The following SESTD1 variants were observed in gnomAD, a reference collection of about 807,000 sequenced individuals.
The protein encoded by SESTD1 is SEC14 and spectrin domain containing 1.
In SESTD1, 43 loss-of-function variants were observed where a neutral mutation model predicts 101.7. That is an observed-to-expected ratio of 0.42 (90% confidence interval 0.33 to 0.55). The LOEUF (loss-of-function observed/expected upper bound fraction) is 0.55, where lower values mean the gene tolerates loss of function less well. Ranked by LOEUF, SESTD1 falls within the 20% of genes least tolerant of loss-of-function variation. SESTD1 has a pLI of 0.07. For synonymous variants in SESTD1, 283 were observed against 286.8 expected, an observed-to-expected ratio of 0.99 and a Z score of 0.13; for missense variants, 647 against 815.1, an observed-to-expected ratio of 0.79 and a Z score of 2.51.
intron 12 of SESTD1, 68 bp from the exon 13 acceptor site, chr2:179,121,997 G>A (rs1405235288): frequency 1.8e-5 from 26 of 1,468,280 alleles, no homozygotes; most frequent in African/African-American, 4.3e-5. Flanking sequence ...CAAACAAATC[G>A]TCTCATCAGA....
At chr2:179,132,995 TAAA>T (rs2045045665) in intron 9 of SESTD1, among the ~76,000 whole-genome samples, 1 of 152,130 alleles carries the variant, frequency 6.6e-6, no homozygotes, top group African/African-American at 2.4e-5. Context: ...AAAATAAAAT[TAAA>T]AACTAATTAG....
chr2:179,243,837 TACCCTAACTTCAGCATCATGCACTAC>T lies in SESTD1; in HGVS notation c.-26+20636_-26+20661del, dbSNP rs1672053565. Among the ~76,000 whole-genome samples the T allele has an allele frequency of 4.0e-5, 6 of 151,868 alleles. No individual in the cohort carries two copies. In the South Asian group the frequency reaches 1.2e-3, roughly 32 times the overall value. ...ACTACCTGGGTGACAGGACCATTCA[TACCCTAACTTCAGCATCATGCACTAC>T]ACCCATGTAACAAACTACATATGTA... is the stretch of plus-strand genomic sequence containing the variant. On this transcript the variant is annotated intron_variant, in intron 1 of 17. Transcript: ENST00000428443.
At chr2:179,112,072 A>C (rs1341252882) in intron 17 of SESTD1, among the ~76,000 whole-genome samples, 2 of 152,100 alleles carry the variant, frequency 1.3e-5, no homozygotes, top group African/African-American at 4.8e-5. Flanking sequence ...AGATTATTTC[A>C]TATTTTTATC....
At chr2:179,225,443 A>C (rs1178741239) in intron 1 of SESTD1, among the ~76,000 whole-genome samples, 2 of 152,184 alleles carry the variant, frequency 1.3e-5, no homozygotes, top group African/African-American at 2.4e-5. Flanking sequence ...CATTAAGGTT[A>C]TATTTTTTAA....
intron 10 of SESTD1, among the ~76,000 whole-genome samples, chr2:179,127,711 A>G (rs1328946119): frequency 6.6e-6 from 1 of 152,196 alleles, no homozygotes; most frequent in African/African-American, 2.4e-5. Context: ...GAGGATGAGA[A>G]ATCCTCCTAT....
At chr2:179,132,844 T>G (rs2045042293) in intron 9 of SESTD1, among the ~76,000 whole-genome samples, 1 of 152,212 alleles carries the variant, frequency 6.6e-6, no homozygotes, top group Non-Finnish European at 1.5e-5. Flanking sequence ...TTAAGTGACT[T>G]GCCCAAGATA....
At chr2:179,195,972 A>G (rs1370635515) in intron 1 of SESTD1, among the ~76,000 whole-genome samples, 1 of 152,136 alleles carries the variant, frequency 6.6e-6, no homozygotes, top group Non-Finnish European at 1.5e-5. Flanking sequence ...CCGAATAGGA[A>G]CAGCTCCGGT....
intron 1 of SESTD1, among the ~76,000 whole-genome samples, chr2:179,251,245 C>T (rs1223335349): frequency 2.0e-5 from 3 of 152,064 alleles, no homozygotes; most frequent in Admixed American, 6.6e-5. Flanking sequence ...ATAATGGCTG[C>T]CAGGTATTAA....
Position 179,107,250 on chromosome 2 carries a change from A to G in SESTD1, c.*2649T>C, listed in dbSNP as rs897429866. 1 of 152,218 alleles carries G rather than the reference A, an allele frequency of 6.6e-6. No individual in the cohort carries two copies. The highest frequency in any genetic ancestry group is 2.4e-5 in the African/African-American group (1 of 41,466). The allele number at this position is 152,218 out of a possible 1,614,324, so 9.4% of individuals were successfully genotyped here. On this transcript the variant is annotated 3_prime_UTR_variant, in exon 18 of 18. Transcript: ENST00000428443. Reference sequence around the variant, plus strand: ...TGGATTTTCATTCATAACTCTATGTACAGATACACATATGAAAGCAGCAGC... The same window carrying G: ...TGGATTTTCATTCATAACTCTATGTGCAGATACACATATGAAAGCAGCAGC...
At chr2:179,245,351 A>G (rs906769502) in intron 1 of SESTD1, among the ~76,000 whole-genome samples, 5 of 151,936 alleles carry the variant, frequency 3.3e-5, no homozygotes, top group Non-Finnish European at 5.9e-5. Context: ...CCCTGTCTCT[A>G]TTGAAAATAC....
At chr2:179,200,790 T>TA (rs1167851646) in intron 1 of SESTD1, among the ~76,000 whole-genome samples, 4 of 135,052 alleles carry the variant, frequency 3.0e-5, no homozygotes. Flanking sequence ...ATTAAAGACT[T>TA]AAACATTAGA....
chr2:179,239,476 T>C (rs2047117880), intron 1 of SESTD1, among the ~76,000 whole-genome samples: 1 of 152,132 alleles, frequency 6.6e-6, no homozygotes, highest in South Asian at 2.1e-4. Context: ...GGGAAAGAAC[T>C]TTAAAAGTGA....
intron 1 of SESTD1, among the ~76,000 whole-genome samples, chr2:179,231,374 G>A (rs924343085): frequency 6.6e-6 from 1 of 151,894 alleles, no homozygotes; most frequent in African/African-American, 2.4e-5. Context: ...AATAGCAATA[G>A]ATAAGAATTA....
In SESTD1 at chr2:179,191,852, T is replaced by C. The variant is rs1574022357; in HGVS notation, c.-11A>G. 5 of 1,607,360 alleles carry C rather than the reference T, an allele frequency of 3.1e-6. No homozygotes were observed. The highest frequency in any genetic ancestry group is 4.3e-6 in the Non-Finnish European group (5 of 1,176,148). ...TACTGAGGCCTCCATTTTACTCCAG[T>C]GAACTTCCTTAATTCTGAAAACACA... is the stretch of plus-strand genomic sequence containing the variant. On this transcript the variant is annotated 5_prime_UTR_variant, in exon 2 of 18. Coordinates refer to ENST00000428443, the MANE Select transcript of SESTD1 (RefSeq NM_178123.5).
chr2:179,128,636 G>A (rs1304043905), intron 10 of SESTD1, among the ~76,000 whole-genome samples: 1 of 151,834 alleles, frequency 6.6e-6, no homozygotes, highest in Non-Finnish European at 1.5e-5. Context: ...GGCTGAGGCA[G>A]GAGAATCGCT....
intron 3 of SESTD1, among the ~76,000 whole-genome samples, chr2:179,179,306 A>G (rs188063296): frequency 1.3e-4 from 20 of 151,664 alleles, no homozygotes; most frequent in Non-Finnish European, 2.2e-4. Flanking sequence ...ACAGTAATAG[A>G]AAAAAAAATC....
At chr2:179,250,335 A>C (rs1214073922) in intron 1 of SESTD1, among the ~76,000 whole-genome samples, 2 of 152,220 alleles carry the variant, frequency 1.3e-5, no homozygotes, top group African/African-American at 4.8e-5. Context: ...CATCACTACA[A>C]ACTTATCACA....
At chr2:179,162,716 G>A (rs1286693778) in intron 5 of SESTD1, among the ~76,000 whole-genome samples, 3 of 151,740 alleles carry the variant, frequency 2.0e-5, no homozygotes, top group Non-Finnish European at 1.5e-5. Context: ...GGCTGGGCAC[G>A]GTGGCTCATG....
At chr2:179,148,800 T>C (rs10186198) in intron 7 of SESTD1, among the ~76,000 whole-genome samples, 69,380 of 151,888 alleles carry the variant, frequency 0.46, 18,980 homozygotes, top group African/African-American at 0.77. Context: ...GTGGCTCACG[T>C]CTGTAATCCC....
Sources: gnomAD v4.1 joint callset for allele counts (sites outside exome capture counted in the v4.1 genomes callset) on GRCh38, gnomAD v4.1.1 for gene constraint, MANE v1.5 for transcripts, NCBI Gene and HGNC (gene_info 2026-07-23, HGNC 2026-07-21) for gene names.